Variants in MOB1B observed in about 807,000 individuals in gnomAD.
The protein encoded by MOB1B is MOB kinase activator 1B.
In MOB1B, 19 loss-of-function variants were observed where a neutral mutation model predicts 24.4. The observed-to-expected ratio is 0.78, with a 90% CI of 0.54 to 1.14. MOB1B has a LOEUF of 1.14. MOB1B is among the 50% of genes most tolerant of loss of function. The pLI is 0.00. For missense variants in MOB1B, 243 were observed against 259.6 expected (o/e 0.94, Z 0.44); for synonymous variants, 76 against 82.1 (o/e 0.93, Z 0.40).
intron 2 of MOB1B, among the ~76,000 whole-genome samples, chr4:70,965,280 G>A (rs1271336475): frequency 9.5e-6 from 1 of 105,330 alleles, no homozygotes; most frequent in African/African-American, 3.9e-5. Context: ...CTGGATGACA[G>A]AGCAAGACTT....
At chr4:70,944,341 ACTT>A (rs1737483101) in intron 1 of MOB1B, among the ~76,000 whole-genome samples, 1 of 152,020 alleles carries the variant, frequency 6.6e-6, no homozygotes, top group Admixed American at 6.6e-5. Flanking sequence ...GGCCTCTAAT[ACTT>A]TTTTATTTAG....
At chr4:70,902,201 A>G (rs897069627), upstream of MOB1B, 18 of 478,340 alleles carry the variant, frequency 3.8e-5, no homozygotes, top group Non-Finnish European at 5.7e-5. Context: ...CCCATGCCGC[A>G]GCCGGAGGGC....
At chr4:70,913,872 T>G (rs1736096322) in intron 1 of MOB1B, among the ~76,000 whole-genome samples, 1 of 152,046 alleles carries the variant, frequency 6.6e-6, no homozygotes, top group Non-Finnish European at 1.5e-5. Flanking sequence ...CTGTCATTGC[T>G]TCTAAATTTA....
intron 3 of MOB1B, among the ~76,000 whole-genome samples, chr4:70,972,576 A>G (rs958143097): frequency 6.6e-5 from 10 of 152,270 alleles, no homozygotes; most frequent in South Asian, 4.2e-4. Flanking sequence ...GCAGTTTACA[A>G]GTTCATGCTG....
rs199662126 is a variant in MOB1B at position 70,988,095 on chromosome 4, G to T, written c.*6038G>T. 5.7e-5 allele frequency: 8 copies of T among 140,830 alleles called. No individual in the cohort carries two copies. Among genetic ancestry groups the T allele is most frequent in the African/African-American group, 1.8e-4 (7 of 38,702 alleles). The allele number at this position is 140,830 out of a possible 1,614,324, so 8.7% of individuals were successfully genotyped here. A position where few individuals can be genotyped will look rare whatever the true frequency, so the allele number is the denominator to read the frequency against. On this transcript the variant is annotated 3_prime_UTR_variant, in exon 6 of 6. Transcript: ENST00000309395. ...GATGGGAAATATTTAAATTCTAGGT[G>T]TTTTTTTTTTTTTAAAGAAGAAACT...
rs368269232 is a variant in MOB1B, at chr4:70,960,976, C to T, written c.181+1936C>T. Among the ~76,000 whole-genome samples the T allele has an allele frequency of 7.2e-5, 11 of 152,214 alleles. No individual in the cohort carries two copies. The East Asian group carries it at 2.1e-3, about 29-fold the overall frequency. ...AGTTGCCACAACTGAGTGTCTGTAC[C>T]TCTCTTATCTGCTAGGGATACATTC... On this transcript the variant is annotated intron_variant, in intron 2 of 5. Coordinates refer to ENST00000309395, the MANE Select transcript of MOB1B (RefSeq NM_173468.4).
intron 1 of MOB1B, among the ~76,000 whole-genome samples, chr4:70,938,173 T>G (rs749268158): frequency 6.6e-6 from 1 of 151,984 alleles, no homozygotes; most frequent in African/African-American, 2.4e-5. Flanking sequence ...AAAAGCTAAT[T>G]GGATTTCTGT....
intron 2 of MOB1B, among the ~76,000 whole-genome samples, chr4:70,967,156 CGG>C (rs1218645405): frequency 7.0e-6 from 1 of 143,040 alleles, no homozygotes; most frequent in Non-Finnish European, 1.5e-5. Flanking sequence ...TTTTTTGAGA[CGG>C]AGTCTCGCTC....
At chr4:70,964,370 A>G (rs1307465794) in intron 2 of MOB1B, among the ~76,000 whole-genome samples, 1 of 152,232 alleles carries the variant, frequency 6.6e-6, no homozygotes, top group African/African-American at 2.4e-5. Flanking sequence ...GAATCTGGCT[A>G]GAAAGCAGTA....
intron 1 of MOB1B, among the ~76,000 whole-genome samples, chr4:70,912,706 G>T (rs764468892): frequency 6.6e-6 from 1 of 152,126 alleles, no homozygotes; most frequent in Admixed American, 6.6e-5. Flanking sequence ...TGTAATCTTC[G>T]ACAAAAGGAT....
At position 70,985,581 on chromosome 4, in the gene MOB1B, T is replaced by A. The variant is rs1391596651; in HGVS notation, c.*3524T>A. ...CTCTGTTGCCCGGGCTGGAGTACAA[T>A]GGCATGATCTCAGCTCACTGCAACC... On this transcript the variant is annotated 3_prime_UTR_variant, in exon 6 of 6. Transcript: ENST00000309395. 6.6e-6 allele frequency: 1 copy of A among 152,188 alleles called. No homozygotes were observed. Among genetic ancestry groups the A allele is most frequent in the African/African-American group, 2.4e-5 (1 of 41,434 alleles). The allele number at this position is 152,188 out of a possible 1,614,324, so 9.4% of individuals were successfully genotyped here.
intron 3 of MOB1B, among the ~76,000 whole-genome samples, chr4:70,974,547 A>C (rs1194231627): frequency 2.6e-5 from 4 of 152,160 alleles, no homozygotes. Flanking sequence ...GGTGCATATT[A>C]GATGTTTATT....
rs942677006 is a variant in MOB1B at position 70,988,168 on chromosome 4, A to T, written c.*6111A>T. 6.6e-6 allele frequency: 1 copy of T among 152,512 alleles called. No individual in the cohort carries two copies. Among genetic ancestry groups the T allele is most frequent in the African/African-American group, 2.4e-5 (1 of 41,426 alleles). The allele number at this position is 152,512 out of a possible 1,614,324, so 9.4% of individuals were successfully genotyped here. On this transcript the variant is annotated 3_prime_UTR_variant, in exon 6 of 6. Transcript: ENST00000309395. ...AATAAATAGTTACGTTTGGCCATGA[A>T]TCCTGACTTTGCATTACTGTTTATT... is the stretch of plus-strand genomic sequence containing the variant.
At chr4:70,934,077 C>A (rs1736987731) in intron 1 of MOB1B, among the ~76,000 whole-genome samples, 1 of 152,134 alleles carries the variant, frequency 6.6e-6, no homozygotes, top group East Asian at 1.9e-4. Context: ...CATTCTGCAA[C>A]TTATTTTATT....
chr4:70,972,134 AC>A (rs954731912), intron 3 of MOB1B, among the ~76,000 whole-genome samples: 1 of 151,996 alleles, frequency 6.6e-6, no homozygotes, highest in Non-Finnish European at 1.5e-5. Flanking sequence ...ATTTGTTAAT[AC>A]TTAATAAATG....
chr4:70,920,890 G>A (rs116441916), intron 1 of MOB1B, among the ~76,000 whole-genome samples: 289 of 152,302 alleles, frequency 1.9e-3, no homozygotes, highest in African/African-American at 5.5e-3. Flanking sequence ...AGGATGAAAA[G>A]CTGGTGTGCT....
At chr4:70,975,540 T>A (rs1294929872) in intron 4 of MOB1B, 1 of 1,118,844 alleles carries the variant, frequency 8.9e-7, no homozygotes, top group African/African-American at 1.6e-5. Flanking sequence ...GCTGAAAGTA[T>A]AGGTTTATTA....
rs534229739 is a variant in MOB1B at position 70,933,792 on chromosome 4, C to T, written c.15-25082C>T. Reference sequence around the variant, plus strand: ...GTCTCAAACTCGTGACCTTATGATCCGTCCACCTTGGCCTCCCAAAGTGCT... The same window carrying T: ...GTCTCAAACTCGTGACCTTATGATCTGTCCACCTTGGCCTCCCAAAGTGCT... On this transcript the variant is annotated intron_variant, in intron 1 of 5. Coordinates refer to ENST00000309395, the MANE Select transcript of MOB1B (RefSeq NM_173468.4). Among the ~76,000 whole-genome samples, 102 of 152,012 alleles carry T rather than the reference C, an allele frequency of 6.7e-4. 1 individual carries two copies. The highest frequency in any genetic ancestry group is 1.1e-3 in the African/African-American group (45 of 41,498).
intron 3 of MOB1B, among the ~76,000 whole-genome samples, chr4:70,974,083 A>G (rs983407887): frequency 3.3e-5 from 5 of 151,922 alleles, no homozygotes; most frequent in African/African-American, 1.2e-4. Flanking sequence ...CAGTTTAGAG[A>G]TTTTTCCACT....
Sources: gnomAD v4.1 joint callset for allele counts (sites outside exome capture counted in the v4.1 genomes callset) on GRCh38, gnomAD v4.1.1 for gene constraint, MANE v1.5 for transcripts, NCBI Gene and HGNC (gene_info 2026-07-23, HGNC 2026-07-21) for gene names.